EPN1: variants seen among roughly 807,000 people sequenced by gnomAD.
EPN1 encodes the protein epsin 1.
Under a neutral mutation model 56.9 loss-of-function variants are expected in EPN1, and 25 were observed. The ratio of observed to expected loss-of-function variants is 0.44; its 90% confidence interval spans 0.32 to 0.61. EPN1 has a LOEUF of 0.61. Among genes scored for constraint, EPN1 ranks in the 20% least tolerant of loss-of-function variants. The probability of loss-of-function intolerance (pLI) is 0.05; values close to 1 mark genes in which losing one functional copy is unlikely to be tolerated. For synonymous variants in EPN1, 411 were observed against 361.8 expected (o/e 1.14, Z -1.54); for missense variants, 785 against 823.7 (o/e 0.95, Z 0.58).
intron 3 of EPN1, among the ~76,000 whole-genome samples, chr19:55,688,329 T>C (rs1409363406): frequency 6.6e-6 from 1 of 152,012 alleles, no homozygotes; most frequent in African/African-American, 2.4e-5. Context: ...GTCCTCTCTC[T>C]CCCTTCCCCT....
In EPN1 at chr19:55,689,949, A is replaced by T; in HGVS notation, c.761A>T (p.Glu254Val). The T allele has an allele frequency of 1.3e-6, 2 of 1,597,360 alleles. No homozygotes were observed. The highest frequency in any genetic ancestry group is 2.3e-5 in the East Asian group (1 of 44,112). ...ESKRETGGKE[E>V]SSLMDLADVF... ...AAGAGGGAGACTGGGGGCAAGGAGGAGGTGAGCGGGGCTTGTTCTGCCCTC... is the reference window on the plus strand; with the variant it reads ...AAGAGGGAGACTGGGGGCAAGGAGGTGGTGAGCGGGGCTTGTTCTGCCCTC... The change falls in exon 6 of 11, where the codon GAG becomes GTG. Residue 254 changes from glutamate (E) to valine (V), a missense_variant and splice_region_variant. By Grantham distance (121) the Glu-to-Val change is moderately radical. Coordinates refer to ENST00000270460, the MANE Select transcript of EPN1 (RefSeq NM_001130072.2). This position sits in a 1 kb window ranked among gnomAD's most constrained non-coding sequence, Gnocchi z 5.7.
rs67139695 is a variant in EPN1 at position 55,706,160 on chromosome 19, CTCTTT to C, written c.*10809_*10813del. The C allele has an allele frequency of 5.3e-3, 963 of 181,254 alleles. 13 individuals are homozygous for C. Among genetic ancestry groups the C allele is most frequent in the African/African-American group, 0.022 (904 of 41,192 alleles). The allele number at this position is 181,254 out of a possible 1,614,324, so 11.2% of individuals were successfully genotyped here. A position where few individuals can be genotyped will look rare whatever the true frequency, so the allele number is the denominator to read the frequency against. ...TTGATTTCTTCTTCCTCCTCCTCCT[CTCTTT>C]TCTTCTTCCTCTTCCTCCTTTTTCT... On this transcript the variant is annotated 3_prime_UTR_variant, in exon 11 of 11. Coordinates refer to ENST00000270460, the MANE Select transcript of EPN1 (RefSeq NM_001130072.2).
chr19:55,683,203 A>ATG (rs1568568003), intron 2 of EPN1, among the ~76,000 whole-genome samples: 2 of 142,914 alleles, frequency 1.4e-5, no homozygotes, highest in East Asian at 4.3e-4. Context: ...TTACAGGCGC[A>ATG]TGCCACAATG....
Position 55,694,425 on chromosome 19 carries a change from AG to A in EPN1, c.1265-300del, listed in dbSNP as rs1252169868. 5 of 345,840 alleles carry A rather than the reference AG, an allele frequency of 1.4e-5. No individual in the cohort carries two copies. Among genetic ancestry groups the A allele is most frequent in the Non-Finnish European group, 2.6e-5 (5 of 192,702 alleles). The allele number at this position is 345,840 out of a possible 1,614,324, so 21.4% of individuals were successfully genotyped here. On this transcript the variant is annotated intron_variant, in intron 9 of 10. Coordinates refer to ENST00000270460, the MANE Select transcript of EPN1 (RefSeq NM_001130072.2). The surrounding 1 kb of genome is among the most constrained non-coding windows in gnomAD (Gnocchi z 4.2). ...CCGCTGCCTTCCCCCGCGGGCCTAT[AG>A]ACCCTGGACGGCCCCACCCTGAAGC...
Position 55,706,829 on chromosome 19 carries a change from A to G in EPN1, c.*11473A>G, listed in dbSNP as rs1987446601. 1 of 152,126 alleles carries G rather than the reference A, an allele frequency of 6.6e-6. No individual in the cohort carries two copies. Among genetic ancestry groups the G allele is most frequent in the Admixed American group, 6.6e-5 (1 of 15,266 alleles). 9.4% of individuals were successfully genotyped at this position (152,126 alleles called of 1,614,324 possible). On this transcript the variant is annotated 3_prime_UTR_variant, in exon 11 of 11. Coordinates refer to ENST00000270460, the MANE Select transcript of EPN1 (RefSeq NM_001130072.2). ...TGAAGTGGGAGGATCACTTGAAGCC[A>G]GGAGTACCAGACCAGCCTGGGAAAC...
At chr19:55,676,302 G>A (rs1376536202) in intron 1 of EPN1, among the ~76,000 whole-genome samples, 1 of 152,140 alleles carries the variant, frequency 6.6e-6, no homozygotes, top group Non-Finnish European at 1.5e-5. Context: ...GTACTCCTTG[G>A]AGAACTTTGC....
chr19:55,699,870 T>C lies in EPN1; in HGVS notation c.*4514T>C, dbSNP rs1449997912. The C allele has an allele frequency of 2.0e-5, 3 of 152,342 alleles. No individual in the cohort carries two copies. Among genetic ancestry groups the C allele is most frequent in the East Asian group, 3.9e-4 (2 of 5,190 alleles). The allele number at this position is 152,342 out of a possible 1,614,324, so 9.4% of individuals were successfully genotyped here. On this transcript the variant is annotated 3_prime_UTR_variant, in exon 11 of 11. Transcript: ENST00000270460. Reference sequence around the variant, plus strand: ...TTTACTTTCAGGGATAATTATATAATGTTATGTTTCATCCACATTATTTTA... The same window carrying C: ...TTTACTTTCAGGGATAATTATATAACGTTATGTTTCATCCACATTATTTTA...
At chr19:55,676,156 T>C (rs1012858916) in intron 1 of EPN1, among the ~76,000 whole-genome samples, 56 of 152,196 alleles carry the variant, frequency 3.7e-4, no homozygotes, top group African/African-American at 1.4e-3. Context: ...TGCATGTAAG[T>C]TGAGGTGATG....
intron 2 of EPN1, among the ~76,000 whole-genome samples, chr19:55,681,687 T>C (rs1985828976): frequency 1.3e-5 from 2 of 152,264 alleles, no homozygotes; most frequent in South Asian, 4.1e-4. Flanking sequence ...CATTGCAGGA[T>C]GTCCTTGATA....
In EPN1 at chr19:55,702,474, G is replaced by A. The variant is rs1987189455; in HGVS notation, c.*7118G>A. On this transcript the variant is annotated 3_prime_UTR_variant, in exon 11 of 11. Transcript: ENST00000270460. The stretch of plus-strand genomic sequence containing the variant: ...GTGCTTTAGGCCCACTGTTTTCACT[G>A]GGGCCCATCTATGTATGTGGCTTGG... 1 of 152,214 alleles carries A rather than the reference G, an allele frequency of 6.6e-6. No homozygotes were observed. The highest frequency in any genetic ancestry group is 6.5e-5 in the Admixed American group (1 of 15,292). The allele number at this position is 152,214 out of a possible 1,614,324, so 9.4% of individuals were successfully genotyped here. A position where few individuals can be genotyped will look rare whatever the true frequency, so the allele number is the denominator to read the frequency against.
chr19:55,688,744 G>A (rs931362019), intron 3 of EPN1, 126 bp from the exon 4 acceptor site: 1 of 1,373,888 alleles, frequency 7.3e-7, no homozygotes, highest in Non-Finnish European at 9.9e-7. Flanking sequence ...TTGGCCTGCA[G>A]AGGTTGTAGG....
rs567646755 is a variant in EPN1 at position 55,699,994 on chromosome 19, C to G, written c.*4638C>G. ...GGAGTGCAGTGGCTCGATCTCTGCT[C>G]ACTGCAAGCTCCGCCTCCTGTGTTC... On this transcript the variant is annotated 3_prime_UTR_variant, in exon 11 of 11. Coordinates refer to ENST00000270460, the MANE Select transcript of EPN1 (RefSeq NM_001130072.2). 6.6e-6 allele frequency: 1 copy of G among 151,870 alleles called. No homozygotes were observed. Among genetic ancestry groups the G allele is most frequent in the African/African-American group, 2.4e-5 (1 of 41,444 alleles). 9.4% of individuals were successfully genotyped at this position (151,870 alleles called of 1,614,324 possible). A position where few individuals can be genotyped will look rare whatever the true frequency, so the allele number is the denominator to read the frequency against.
Position 55,692,960 on chromosome 19 carries a change from G to T in EPN1, c.1187G>T (p.Gly396Val), listed in dbSNP as rs756352927. ...CATCCTGACCCCACAGCAGCCGGGG[G>T]ATTCGACACGGAGCCCGACGAGTTC... ...PSTNGTTAAG[G>V]FDTEPDEFSD... The change falls in exon 9 of 11, where the codon GGA becomes GTA. Residue 396 changes from glycine to valine, a missense_variant. Gly to Val is a moderately radical substitution (Grantham distance 109). Around this residue, in one of 2 missense-constraint regions of EPN1, gnomAD observed 650 missense variants for 605.0 expected, o/e 1.07. Coordinates refer to ENST00000270460, the MANE Select transcript of EPN1 (RefSeq NM_001130072.2). The T allele has an allele frequency of 1.2e-6, 2 of 1,613,488 alleles. No homozygotes were observed. The highest frequency in any genetic ancestry group is 1.7e-6 in the Non-Finnish European group (2 of 1,179,758).
In EPN1 at chr19:55,692,013, C is replaced by T. The variant is rs1177020966; in HGVS notation, c.1022C>T (p.Ala341Val). The change falls in exon 7 of 11, where the codon GCA becomes GTA. Residue 341 changes from alanine to valine, a missense_variant. Around this residue, in one of 2 missense-constraint regions of EPN1, gnomAD observed 650 missense variants for 605.0 expected, o/e 1.07. Transcript: ENST00000270460. ...VDPWGGTPAPAAGEGPTPDPW... is the reference protein window; with the variant it reads ...VDPWGGTPAPVAGEGPTPDPW... ...CCTTGGGGTGGGACCCCAGCCCCTG[C>T]AGCTGGGGAGGGGCCCACGCCTGAT... 4 of 1,475,242 alleles carry T rather than the reference C, an allele frequency of 2.7e-6. No homozygotes were observed. The African/African-American group carries it at 4.3e-5, about 16-fold the overall frequency. The allele number at this position is 1,475,242 out of a possible 1,614,324, so 91.4% of individuals were successfully genotyped here.
chr19:55,692,915 C>G, intron 8 of EPN1, 36 bp from the exon 9 acceptor site: 7 of 1,610,570 alleles, frequency 4.3e-6, no homozygotes, highest in Non-Finnish European at 5.9e-6. Context: ...GGCGGGGCCC[C>G]AGGGAGGGGC....
chr19:55,695,680 T>C lies in EPN1; in HGVS notation c.*324T>C, dbSNP rs1555792118. ...CAGTGTTTGAGCCTCCTCGTTCCCC[T>C]CACGCACCCGCTCACGCACCCTCGG... On this transcript the variant is annotated 3_prime_UTR_variant, in exon 11 of 11. Transcript: ENST00000270460. The surrounding 1 kb of genome is among the most constrained non-coding windows in gnomAD (Gnocchi z 4.4). 2.8e-6 allele frequency: 1 copy of C among 351,444 alleles called. No individual in the cohort carries two copies. The highest frequency in any genetic ancestry group is 5.2e-6 in the Non-Finnish European group (1 of 192,756). The allele number at this position is 351,444 out of a possible 1,614,324, so 21.8% of individuals were successfully genotyped here.
chr19:55,677,827 G>A, intron 1 of EPN1: 2 of 1,403,120 alleles, frequency 1.4e-6, no homozygotes, highest in Non-Finnish European at 1.9e-6. Flanking sequence ...TGCCCCCTCT[G>A]CCCTTGTTCC....
chr19:55,689,503 GTACC>G lies in EPN1; in HGVS notation c.678+134_678+137del. 1 of 691,490 alleles carries G rather than the reference GTACC, an allele frequency of 1.4e-6. No individual in the cohort carries two copies. The highest frequency in any genetic ancestry group is 2.5e-6 in the Non-Finnish European group (1 of 396,292). The allele number at this position is 691,490 out of a possible 1,614,324, so 42.8% of individuals were successfully genotyped here. A position where few individuals can be genotyped will look rare whatever the true frequency, so the allele number is the denominator to read the frequency against. On this transcript the variant is annotated intron_variant, in intron 5 of 10. Transcript: ENST00000270460. The surrounding 1 kb of genome is among the most constrained non-coding windows in gnomAD (Gnocchi z 5.7). Reference sequence around the variant, plus strand: ...CAGGCTCACGCGTGTTGAAACCTCAGTACCTTCAGCCGTAGGATGTAGGACCACA... The same window carrying G: ...CAGGCTCACGCGTGTTGAAACCTCAGTTCAGCCGTAGGATGTAGGACCACA...
At position 55,706,298 on chromosome 19, in the gene EPN1, T is replaced by TTTTTTTTTTA. The variant is rs1568587757; in HGVS notation, c.*10943_*10944insTTTTTTTTAT. ...TTTTCTTCTTCTTTTTTTTTTTTTT[T>TTTTTTTTTTA]TAAAAGACCGTGTTTCGCTCTGTCA... is the stretch of plus-strand genomic sequence containing the variant. On this transcript the variant is annotated 3_prime_UTR_variant, in exon 11 of 11. Coordinates refer to ENST00000270460, the MANE Select transcript of EPN1 (RefSeq NM_001130072.2). The TTTTTTTTTTA allele has an allele frequency of 6.4e-6, 1 of 156,172 alleles. No homozygotes were observed. Among genetic ancestry groups the TTTTTTTTTTA allele is most frequent in the African/African-American group, 2.5e-5 (1 of 40,002 alleles). The allele number at this position is 156,172 out of a possible 1,614,324, so 9.7% of individuals were successfully genotyped here. A position where few individuals can be genotyped will look rare whatever the true frequency, so the allele number is the denominator to read the frequency against.
Sources: gnomAD v4.1 joint callset for allele counts (sites outside exome capture counted in the v4.1 genomes callset) on GRCh38, gnomAD v4.1.1 for gene constraint, gnomAD v4.1.1 regional missense constraint, Gnocchi (gnomAD v3.1) non-coding constraint, MANE v1.5 for transcripts, NCBI Gene and HGNC (gene_info 2026-07-23, HGNC 2026-07-21) for gene names.